The following HHAT variants were observed in gnomAD, a reference collection of about 807,000 sequenced individuals.
HHAT encodes the protein protein-cysteine N-palmitoyltransferase HHAT.
In HHAT, 47 loss-of-function variants were observed where a neutral mutation model predicts 70.8. The observed-to-expected ratio is 0.66, with a 90% confidence interval of 0.53 to 0.85. HHAT has a LOEUF of 0.85. Among genes scored for constraint, HHAT ranks in the 40% least tolerant of loss-of-function variants. HHAT has a pLI of 0.00. For synonymous variants in HHAT, 228 were observed against 247.6 expected, an observed-to-expected ratio of 0.92 and a Z score of 0.74; for missense variants, 609 against 604.8, an observed-to-expected ratio of 1.01 and a Z score of -0.07.
chr1:210,573,046 A>G (rs548990903), intron 9 of HHAT, among the ~76,000 whole-genome samples: 32 of 152,360 alleles, frequency 2.1e-4, no homozygotes, highest in African/African-American at 7.0e-4. Flanking sequence ...CTGAAATCCA[A>G]TTAGGGAAGA....
At chr1:210,385,873 A>G (rs997033060) in intron 3 of HHAT, among the ~76,000 whole-genome samples, 16 of 152,158 alleles carry the variant, frequency 1.1e-4, no homozygotes, top group Non-Finnish European at 5.9e-5. Context: ...AATCCCTGTA[A>G]GGTAAGTACT....
chr1:210,466,610 T>C (rs1179544050), intron 8 of HHAT, among the ~76,000 whole-genome samples: 1 of 152,176 alleles, frequency 6.6e-6, no homozygotes, highest in South Asian at 2.1e-4. Flanking sequence ...AAAAGGCTTC[T>C]CCCATATTGG....
intron 9 of HHAT, among the ~76,000 whole-genome samples, chr1:210,578,803 T>C (rs954953497): frequency 6.6e-6 from 1 of 152,184 alleles, no homozygotes; most frequent in Non-Finnish European, 1.5e-5. Flanking sequence ...AGAGAAATAC[T>C]GTATGATTTC....
intron 2 of HHAT, among the ~76,000 whole-genome samples, chr1:210,359,566 T>C (rs1471764615): frequency 6.6e-6 from 1 of 152,144 alleles, no homozygotes; most frequent in Non-Finnish European, 1.5e-5. Flanking sequence ...TGACTCCCTA[T>C]GATTTCATCT....
intron 9 of HHAT, among the ~76,000 whole-genome samples, chr1:210,516,192 C>A (rs1036427725): frequency 6.6e-6 from 1 of 152,128 alleles, no homozygotes; most frequent in Non-Finnish European, 1.5e-5. Context: ...GGGACAGTGA[C>A]CCTGAGGCTA....
intron 9 of HHAT, among the ~76,000 whole-genome samples, chr1:210,530,419 T>C (rs998759761): frequency 9.2e-5 from 14 of 152,042 alleles, no homozygotes; most frequent in African/African-American, 2.2e-4. Context: ...TTAATACCAA[T>C]GTTTGCAATA....
intron 10 of HHAT, among the ~76,000 whole-genome samples, chr1:210,603,411 C>G (rs1445350799): frequency 1.3e-5 from 2 of 152,088 alleles, no homozygotes; most frequent in Admixed American, 6.5e-5. Context: ...TGCCTAGCAG[C>G]TTTCCATAGA....
At chr1:210,446,561 G>C (rs1043291867) in intron 7 of HHAT, among the ~76,000 whole-genome samples, 1 of 152,166 alleles carries the variant, frequency 6.6e-6, no homozygotes, top group African/African-American at 2.4e-5. Context: ...AAAACACCAC[G>C]TGGTCCGGCA....
At chr1:210,481,554 T>C (rs1042981394) in intron 8 of HHAT, among the ~76,000 whole-genome samples, 7 of 151,998 alleles carry the variant, frequency 4.6e-5, no homozygotes, top group African/African-American at 4.8e-5. Context: ...ACTAAATAGG[T>C]GGTAGAAAGG....
At chr1:210,446,609 G>A (rs1254403662) in intron 7 of HHAT, among the ~76,000 whole-genome samples, 1 of 151,892 alleles carries the variant, frequency 6.6e-6, no homozygotes, top group South Asian at 2.1e-4. Context: ...CCCTTGCCCC[G>A]GCCTCTGTGC....
At chr1:210,416,752 G>A (rs1558474160) in intron 6 of HHAT, among the ~76,000 whole-genome samples, 1 of 152,174 alleles carries the variant, frequency 6.6e-6, no homozygotes, top group Non-Finnish European at 1.5e-5. Context: ...ATGCTGCCCT[G>A]TAGCTGGTTG....
chr1:210,331,740 G>A (rs572666208), intron 1 of HHAT, among the ~76,000 whole-genome samples: 6 of 152,162 alleles, frequency 3.9e-5, no homozygotes, highest in South Asian at 4.2e-4. Flanking sequence ...ACTTGTCGCC[G>A]CAATAATTCC....
At chr1:210,561,919 T>C (rs2095626606) in intron 9 of HHAT, among the ~76,000 whole-genome samples, 1 of 152,212 alleles carries the variant, frequency 6.6e-6, no homozygotes, top group African/African-American at 2.4e-5. Flanking sequence ...TCCAGCACAG[T>C]GCCTGACACC....
chr1:210,503,086 A>G (rs2094790396), intron 8 of HHAT, among the ~76,000 whole-genome samples: 1 of 152,026 alleles, frequency 6.6e-6, no homozygotes, highest in Admixed American at 6.6e-5. Context: ...CAGCCTCCCG[A>G]GTAGCTAGGA....
chr1:210,514,430 G>C (rs2095017970), intron 9 of HHAT, among the ~76,000 whole-genome samples: 1 of 152,202 alleles, frequency 6.6e-6, no homozygotes, highest in Non-Finnish European at 1.5e-5. Flanking sequence ...TATTTGAACT[G>C]ATCAGAAGAA....
chr1:210,512,007 G>A (rs1483741048), intron 8 of HHAT, among the ~76,000 whole-genome samples: 2 of 152,106 alleles, frequency 1.3e-5, no homozygotes, highest in African/African-American at 2.4e-5. Flanking sequence ...CAGAGGTTCA[G>A]GAGGAACAAG....
intron 11 of HHAT, among the ~76,000 whole-genome samples, chr1:210,662,417 C>T (rs1478041726): frequency 6.6e-6 from 1 of 152,204 alleles, no homozygotes; most frequent in Admixed American, 6.5e-5. Context: ...AAAGTGACTT[C>T]TGTGAGCTCA....
chr1:210,650,797 G>A (rs886696595), intron 11 of HHAT, among the ~76,000 whole-genome samples: 1 of 152,166 alleles, frequency 6.6e-6, no homozygotes, highest in Non-Finnish European at 1.5e-5. Flanking sequence ...ATGTTTGGGA[G>A]TGAGCTAGAG....
intron 10 of HHAT, chr1:210,590,542 C>CAGAAAAAAAA (rs1661457494): frequency 2.5e-5 from 1 of 40,594 alleles, no homozygotes; most frequent in African/African-American, 7.6e-5. Context: ...AGTTCCAGTC[C>CAGAAAAAAAA]AAAAAAAAAA....
Sources: gnomAD v4.1 joint callset for allele counts (sites outside exome capture counted in the v4.1 genomes callset) on GRCh38, gnomAD v4.1.1 for gene constraint, MANE v1.5 for transcripts, NCBI Gene and HGNC (gene_info 2026-07-23, HGNC 2026-07-21) for gene names.